Variants in MARCHF2 observed in about 807,000 individuals in gnomAD.
MARCHF2 encodes the protein E3 ubiquitin-protein ligase MARCHF2.
In MARCHF2, 22 loss-of-function variants were observed where a neutral mutation model predicts 24.0. That is an observed-to-expected ratio of 0.92 (90% CI 0.66 to 1.31). The LOEUF is 1.31. Among genes scored for constraint, MARCHF2 ranks in the 50% most tolerant of loss-of-function variants. MARCHF2 has a pLI of 0.00. For missense variants in MARCHF2, 301 were observed against 335.3 expected (o/e 0.90, Z 0.80); for synonymous variants, 154 against 153.0 (o/e 1.01, Z -0.05).
intron 4 of MARCHF2, among the ~76,000 whole-genome samples, chr19:8,433,675 CAAAA>C (rs143853447): frequency 2.2e-5 from 2 of 90,712 alleles, no homozygotes; most frequent in Non-Finnish European, 4.5e-5. Flanking sequence ...GACTCCGTCT[CAAAA>C]AAAAAAAAAA....
rs1312186321 is a variant in MARCHF2 at position 8,421,810 on chromosome 19, AGGCCCTGAGGATACGG to A, written c.-27_-12del. 2 of 1,571,312 alleles carry A rather than the reference AGGCCCTGAGGATACGG, an allele frequency of 1.3e-6. No individual in the cohort carries two copies. Among genetic ancestry groups the A allele is most frequent in the African/African-American group, 1.4e-5 (1 of 73,684 alleles). On this transcript the variant is annotated 5_prime_UTR_variant, in exon 2 of 5. The change abolishes the stop of an existing upstream ORF in the 5' untranslated region. Coordinates refer to ENST00000215555, the MANE Select transcript of MARCHF2 (RefSeq NM_001005415.2). The stretch of plus-strand genomic sequence containing the variant: ...CCAGGCTCCTGGAACCATGGGCCTC[AGGCCCTGAGGATACGG>A]GGCTCCCGGTGGCCATGACGACGGG...
chr19:8,413,965 A>C (rs1237174790), intron 1 of MARCHF2, among the ~76,000 whole-genome samples: 1 of 152,178 alleles, frequency 6.6e-6, no homozygotes, highest in Non-Finnish European at 1.5e-5. Flanking sequence ...CCTGTTATAC[A>C]GTTGAGAGAG....
intron 4 of MARCHF2, among the ~76,000 whole-genome samples, chr19:8,435,655 C>T (rs113550925): frequency 1.3e-5 from 2 of 151,910 alleles, no homozygotes; most frequent in African/African-American, 2.4e-5. Context: ...CCTCCCACCT[C>T]GGCCCTCCCA....
At chr19:8,424,395 C>A (rs1489392518) in intron 2 of MARCHF2, among the ~76,000 whole-genome samples, 1 of 152,152 alleles carries the variant, frequency 6.6e-6, no homozygotes, top group Non-Finnish European at 1.5e-5. Flanking sequence ...AGGCCTTGCG[C>A]AGTGGCTCAC....
rs1269015537 is a variant in MARCHF2 at position 8,430,937 on chromosome 19, G to A, written c.582+70G>A. On this transcript the variant is annotated intron_variant, in intron 4 of 4. Transcript: ENST00000215555. The surrounding 1 kb of genome is among the most constrained non-coding windows in gnomAD (Gnocchi z 4.4). ...TGGGAGCAGCAGGGCCAAGGATTTG[G>A]CCCCTGGCTTGTGGGGCACGGGGCT... The A allele has an allele frequency of 1.7e-5, 25 of 1,478,782 alleles. No individual in the cohort carries two copies. In the Admixed American group the frequency reaches 2.7e-4, roughly 16 times the overall value. The allele number at this position is 1,478,782 out of a possible 1,614,324, so 91.6% of individuals were successfully genotyped here.
rs1967785582 is a variant in MARCHF2 at position 8,438,309 on chromosome 19, C to A, written c.583-79C>A. 3 of 1,478,048 alleles carry A rather than the reference C, an allele frequency of 2.0e-6. No individual in the cohort carries two copies. In the Admixed American group the frequency reaches 5.2e-5, roughly 26 times the overall value. 91.6% of individuals were successfully genotyped at this position (1,478,048 alleles called of 1,614,324 possible). On this transcript the variant is annotated intron_variant, in intron 4 of 4. Coordinates refer to ENST00000215555, the MANE Select transcript of MARCHF2 (RefSeq NM_001005415.2). ...CATGAGCCCCAGCCATGGTTTGGGC[C>A]AACGCAGGTGCCACCACGGCGACTT...
At chr19:8,437,349 ATT>A (rs1242806670) in intron 4 of MARCHF2, among the ~76,000 whole-genome samples, 1,349 of 25,182 alleles carry the variant, frequency 0.054, 3 homozygotes, top group South Asian at 0.31. Flanking sequence ...TCATTCACCT[ATT>A]TTTTTTTTTT....
intron 1 of MARCHF2, among the ~76,000 whole-genome samples, chr19:8,421,552 A>G (rs1031545059): frequency 5.3e-5 from 8 of 151,816 alleles, no homozygotes; most frequent in Non-Finnish European, 1.2e-4. Context: ...TTCTTAGGAG[A>G]GTGAGAAATA....
chr19:8,415,741 A>AAAAAAAAAAAAAAAAAAAAAG (rs1967067019), intron 1 of MARCHF2, among the ~76,000 whole-genome samples: 1 of 52,412 alleles, frequency 1.9e-5, no homozygotes, highest in African/African-American at 4.7e-5. Flanking sequence ...AAAACAAAAA[A>AAAAAAAAAAAAAAAAAAAAAG]AACAAAAAAA....
At chr19:8,424,679 A>G (rs1967349332) in intron 2 of MARCHF2, among the ~76,000 whole-genome samples, 1 of 151,848 alleles carries the variant, frequency 6.6e-6, no homozygotes, top group African/African-American at 2.4e-5. Flanking sequence ...AAAAGAAAAA[A>G]AAAAATCTAC....
chr19:8,435,900 A>C (rs1297162899), intron 4 of MARCHF2, among the ~76,000 whole-genome samples: 2 of 148,852 alleles, frequency 1.3e-5, no homozygotes, highest in African/African-American at 2.5e-5. Context: ...TTTGTCACCC[A>C]GGCTGCAGTG....
At chr19:8,424,524 G>T (rs536181681) in intron 2 of MARCHF2, among the ~76,000 whole-genome samples, 33 of 152,066 alleles carry the variant, frequency 2.2e-4, no homozygotes, top group African/African-American at 7.5e-4. Flanking sequence ...AAAATTAGCC[G>T]GGCGTGGTGG....
At chr19:8,432,475 G>A (rs1375016626) in intron 4 of MARCHF2, among the ~76,000 whole-genome samples, 2 of 152,118 alleles carry the variant, frequency 1.3e-5, no homozygotes, top group East Asian at 3.9e-4. Context: ...GGCAACTTAG[G>A]GAGACCCCAT....
chr19:8,426,230 C>CAAA (rs71175854), intron 2 of MARCHF2, among the ~76,000 whole-genome samples: 102 of 42,954 alleles, frequency 2.4e-3, no homozygotes, highest in Non-Finnish European at 3.2e-3. Flanking sequence ...GACTCTGTCT[C>CAAA]AAAAAAAAAA....
At chr19:8,436,238 G>A (rs1392433201) in intron 4 of MARCHF2, among the ~76,000 whole-genome samples, 1 of 151,722 alleles carries the variant, frequency 6.6e-6, no homozygotes, top group Non-Finnish European at 1.5e-5. Flanking sequence ...GGGTTCAAGC[G>A]ATTCTCCTGC....
At chr19:8,432,401 C>T (rs1967608083) in intron 4 of MARCHF2, among the ~76,000 whole-genome samples, 2 of 152,066 alleles carry the variant, frequency 1.3e-5, no homozygotes, top group Admixed American at 1.3e-4. Context: ...TGCACTTACA[C>T]TCTCAGCTAC....
rs555324029 is a variant in MARCHF2 at position 8,422,581 on chromosome 19, C to T, written c.176+565C>T. 7.5e-4 allele frequency among the ~76,000 whole-genome samples: 114 copies of T among 151,878 alleles called. 1 individual carries two copies. The highest frequency in any genetic ancestry group is 1.9e-4 in the Non-Finnish European group (13 of 67,950). On this transcript the variant is annotated intron_variant, in intron 2 of 4. Transcript: ENST00000215555. The stretch of plus-strand genomic sequence containing the variant: ...CTAGTTTTTGTACTTCTAGCAGAGA[C>T]GGGGTTTCGCCATGTTGGCCAGGCT...
intron 1 of MARCHF2, among the ~76,000 whole-genome samples, chr19:8,416,208 G>T (rs1323591658): frequency 6.6e-6 from 1 of 151,950 alleles, no homozygotes; most frequent in African/African-American, 2.4e-5. Context: ...CGGGTATGGT[G>T]GTGGGTGCCT....
chr19:8,422,110 T>C, intron 2 of MARCHF2, 94 bp downstream of exon 2: 1 of 1,358,354 alleles, frequency 7.4e-7, no homozygotes, highest in Non-Finnish European at 9.9e-7. Flanking sequence ...AGTCCAACCG[T>C]TGACAGAGGG....
Sources: gnomAD v4.1 joint callset for allele counts (sites outside exome capture counted in the v4.1 genomes callset) on GRCh38, gnomAD v4.1.1 for gene constraint, Gnocchi (gnomAD v3.1) non-coding constraint, MANE v1.5 for transcripts, NCBI Gene and HGNC (gene_info 2026-07-23, HGNC 2026-07-21) for gene names.